Variants in NKAIN2 observed in about 807,000 individuals in gnomAD.
NKAIN2 encodes the protein sodium/potassium transporting ATPase interacting 2, also known as sodium/potassium-transporting ATPase subunit beta-1-interacting protein 2.
NKAIN2 carries 14 observed loss-of-function variants against 32.6 expected under a neutral mutation model. That is an observed-to-expected ratio of 0.43 (90% confidence interval 0.28 to 0.67). NKAIN2 has a LOEUF of 0.67. Ranked by LOEUF, NKAIN2 falls within the 30% of genes least tolerant of loss-of-function variation. NKAIN2 has a pLI of 0.17. For missense variants in NKAIN2, 198 were observed against 258.3 expected, an observed-to-expected ratio of 0.77 and a Z score of 1.60; for synonymous variants, 80 against 87.2, an observed-to-expected ratio of 0.92 and a Z score of 0.46.
intron 1 of NKAIN2, among the ~76,000 whole-genome samples, chr6:124,102,803 C>G (rs1481889659): frequency 6.6e-6 from 1 of 152,176 alleles, no homozygotes; most frequent in African/African-American, 2.4e-5. Flanking sequence ...TTCATAGTCT[C>G]TAAATGTTTC....
At chr6:124,249,247 G>C (rs1411598280) in intron 1 of NKAIN2, among the ~76,000 whole-genome samples, 2 of 152,068 alleles carry the variant, frequency 1.3e-5, no homozygotes, top group African/African-American at 2.4e-5. Context: ...GGTAGTACCA[G>C]GATACAAGGT....
intron 2 of NKAIN2, among the ~76,000 whole-genome samples, chr6:124,290,008 T>C (rs1305151281): frequency 6.6e-6 from 1 of 151,996 alleles, no homozygotes; most frequent in Non-Finnish European, 1.5e-5. Context: ...TTTAGAGTAG[T>C]TGTGAAAATA....
At chr6:124,533,954 G>A (rs1241618988) in intron 3 of NKAIN2, among the ~76,000 whole-genome samples, 2 of 152,092 alleles carry the variant, frequency 1.3e-5, no homozygotes, top group Non-Finnish European at 2.9e-5. Flanking sequence ...TCCCATTCAT[G>A]AGGATTTCAC....
At chr6:123,962,352 G>T (rs1447687873) in intron 1 of NKAIN2, among the ~76,000 whole-genome samples, 1 of 152,120 alleles carries the variant, frequency 6.6e-6, no homozygotes, top group African/African-American at 2.4e-5. Context: ...AAGTTTGGAA[G>T]GGCACATTGG....
intron 4 of NKAIN2, among the ~76,000 whole-genome samples, chr6:124,785,798 G>A (rs1053162023): frequency 6.6e-6 from 1 of 152,130 alleles, no homozygotes; most frequent in Non-Finnish European, 1.5e-5. Context: ...GTACTGCTGG[G>A]CATTGGTAAA....
intron 3 of NKAIN2, among the ~76,000 whole-genome samples, chr6:124,409,972 T>A (rs1178126472): frequency 3.3e-5 from 5 of 152,226 alleles, no homozygotes; most frequent in Non-Finnish European, 1.5e-5. Context: ...TTTTCTAGTT[T>A]ATTTGCATAG....
intron 3 of NKAIN2, among the ~76,000 whole-genome samples, chr6:124,615,192 C>T (rs1782839541): frequency 6.6e-6 from 1 of 152,140 alleles, no homozygotes; most frequent in African/African-American, 2.4e-5. Context: ...ATCCATTGCC[C>T]ATATATCCCC....
At chr6:124,783,172 C>T (rs555638473) in intron 4 of NKAIN2, among the ~76,000 whole-genome samples, 3 of 152,264 alleles carry the variant, frequency 2.0e-5, no homozygotes, top group South Asian at 2.1e-4. Flanking sequence ...AGCCATCTTT[C>T]GTCCTGCCTG....
At chr6:123,908,873 T>G (rs1775022032) in intron 1 of NKAIN2, among the ~76,000 whole-genome samples, 1 of 152,338 alleles carries the variant, frequency 6.6e-6, no homozygotes, top group East Asian at 1.9e-4. Context: ...CATGTCATAA[T>G]TACTATTTTG....
intron 2 of NKAIN2, among the ~76,000 whole-genome samples, chr6:124,351,068 G>A (rs546088737): frequency 6.6e-6 from 1 of 152,274 alleles, no homozygotes; most frequent in African/African-American, 2.4e-5. Flanking sequence ...TTATAATTAT[G>A]TGTTGCACTA....
intron 1 of NKAIN2, among the ~76,000 whole-genome samples, chr6:123,882,395 G>T (rs1773494719): frequency 6.6e-6 from 1 of 151,856 alleles, no homozygotes; most frequent in African/African-American, 2.4e-5. Flanking sequence ...CCCTAAAATG[G>T]GGACAATTAT....
chr6:124,041,953 A>G (rs1781892154), intron 1 of NKAIN2, among the ~76,000 whole-genome samples: 1 of 152,122 alleles, frequency 6.6e-6, no homozygotes, highest in Non-Finnish European at 1.5e-5. Flanking sequence ...CAAGGTGTCC[A>G]TGCCTTTCCT....
intron 4 of NKAIN2, among the ~76,000 whole-genome samples, chr6:124,687,277 G>T (rs7754359): frequency 0.2 from 24,746 of 124,176 alleles, 2,383 homozygotes; most frequent in East Asian, 0.37. Flanking sequence ...TCTATATATA[G>T]AGAGAGAATA....
intron 1 of NKAIN2, among the ~76,000 whole-genome samples, chr6:124,114,858 A>G (rs892717122): frequency 6.6e-6 from 1 of 152,104 alleles, no homozygotes; most frequent in Non-Finnish European, 1.5e-5. Context: ...CTATAATTAT[A>G]TTCAGTTCTA....
chr6:124,576,371 G>A (rs923624384), intron 3 of NKAIN2, among the ~76,000 whole-genome samples: 27 of 152,056 alleles, frequency 1.8e-4, no homozygotes, highest in African/African-American at 5.8e-4. Flanking sequence ...GGACAAATGC[G>A]CCTGTCATTT....
At position 124,221,313 on chromosome 6, in the gene NKAIN2, A is replaced by G. The variant is rs555038428; in HGVS notation, c.55-61692A>G. On this transcript the variant is annotated intron_variant, in intron 1 of 6. Coordinates refer to ENST00000368417, the MANE Select transcript of NKAIN2 (RefSeq NM_001040214.3). ...CAGTAAACTATCACAAGAACAAAAA[A>G]CCAAACACCACATATTCTCACTCAT... is the stretch of plus-strand genomic sequence containing the variant. Among the ~76,000 whole-genome samples the G allele has an allele frequency of 1.5e-4, 23 of 150,996 alleles. No homozygotes were observed. In the East Asian group the frequency reaches 3.0e-3, roughly 19 times the overall value.
intron 3 of NKAIN2, among the ~76,000 whole-genome samples, chr6:124,614,994 T>C (rs1435942188): frequency 6.6e-6 from 1 of 152,208 alleles, no homozygotes; most frequent in Non-Finnish European, 1.5e-5. Flanking sequence ...GTGTCTTCGG[T>C]CCATCTTCAA....
At position 124,191,440 on chromosome 6, in the gene NKAIN2, A is replaced by G. The variant is rs934392922; in HGVS notation, c.55-91565A>G. On this transcript the variant is annotated intron_variant, in intron 1 of 6. Transcript: ENST00000368417. ...ATTTCCAGTTTATAGAAATATAACT[A>G]TTTTTCCATATTAGTCACATATTCT... Among the ~76,000 whole-genome samples, 3 of 152,166 alleles carry G rather than the reference A, an allele frequency of 2.0e-5. No homozygotes were observed. In the East Asian group the frequency reaches 5.8e-4, roughly 29 times the overall value.
intron 2 of NKAIN2, among the ~76,000 whole-genome samples, chr6:124,348,325 TCCAGCTGCGTGCTGGGAGAA>T (rs1446359754): frequency 6.6e-6 from 1 of 152,182 alleles, no homozygotes; most frequent in African/African-American, 2.4e-5. Context: ...TTCTCAGATC[TCCAGCTGCGTGCTGGGAGAA>T]CCACTGCTCT....
Sources: allele counts gnomAD v4.1 joint callset (sites outside exome capture counted in the v4.1 genomes callset), GRCh38; gene constraint gnomAD v4.1.1; transcripts MANE v1.5; gene names NCBI Gene and HGNC (gene_info 2026-07-23, HGNC 2026-07-21).